OR6N1: variants seen among roughly 807,000 people sequenced by gnomAD.
OR6N1 encodes the protein olfactory receptor 6N1.
For missense variants in OR6N1, 394 were observed against 371.7 expected (o/e 1.06, Z -0.49); for synonymous variants, 170 against 150.7 (o/e 1.13, Z -0.94).
the OR6N1 span, among the ~76,000 whole-genome samples, chr1:158,781,537 T>C: frequency 2.0e-5 from 3 of 152,318 alleles, no homozygotes; most frequent in African/African-American, 7.2e-5. Flanking sequence ...GTTCTGAAAA[T>C]GTGACCCTAA....
intron 1 of OR6N1, among the ~76,000 whole-genome samples, chr1:158,768,208 A>T (rs1032164871): frequency 1.3e-5 from 2 of 152,024 alleles, no homozygotes; most frequent in Non-Finnish European, 2.9e-5. Flanking sequence ...ATCCAATACC[A>T]GAGCTTTAAA....
At chr1:158,797,304 C>T in the OR6N1 span, among the ~76,000 whole-genome samples, 3 of 152,294 alleles carry the variant, frequency 2.0e-5, no homozygotes, top group Middle Eastern at 3.4e-3. Flanking sequence ...CTTGAACTTA[C>T]CTTTTCCAAT....
chr1:158,818,902 C>G, the OR6N1 span, among the ~76,000 whole-genome samples: 10 of 152,158 alleles, frequency 6.6e-5, no homozygotes, highest in African/African-American at 2.4e-4. Flanking sequence ...AACATGAGAG[C>G]TAGACTTATC....
the OR6N1 span, among the ~76,000 whole-genome samples, chr1:158,805,012 T>C: frequency 1.3e-5 from 2 of 152,186 alleles, no homozygotes; most frequent in African/African-American, 2.4e-5. Flanking sequence ...ACACATAAGA[T>C]GAATTTTTGA....
chr1:158,806,787 C>G, the OR6N1 span, among the ~76,000 whole-genome samples: 2 of 151,650 alleles, frequency 1.3e-5, no homozygotes, highest in African/African-American at 4.8e-5. Context: ...GAATTTGTAC[C>G]AACACCTTTC....
chr1:158,782,592 G>A, the OR6N1 span, among the ~76,000 whole-genome samples: 3 of 152,260 alleles, frequency 2.0e-5, no homozygotes, highest in African/African-American at 7.2e-5. Context: ...GGCAATTTTA[G>A]GTGAGGAGGA....
chr1:158,828,289 G>C, the OR6N1 span, among the ~76,000 whole-genome samples: 1 of 152,096 alleles, frequency 6.6e-6, no homozygotes. Context: ...TCTCATCCAA[G>C]ACAAGGCAAG....
the OR6N1 span, among the ~76,000 whole-genome samples, chr1:158,815,060 G>A: frequency 5.3e-5 from 8 of 152,222 alleles, no homozygotes; most frequent in South Asian, 2.1e-4. Context: ...ATTAGAAGAA[G>A]GGACCCTAAA....
At chr1:158,770,861 C>A (rs1229851373) in intron 1 of OR6N1, among the ~76,000 whole-genome samples, 2 of 152,178 alleles carry the variant, frequency 1.3e-5, no homozygotes, top group Non-Finnish European at 2.9e-5. Context: ...ACCCATAAGA[C>A]AGTTCTCTCC....
chr1:158,819,339 A>G, the OR6N1 span, among the ~76,000 whole-genome samples: 23 of 152,168 alleles, frequency 1.5e-4, no homozygotes, highest in African/African-American at 5.6e-4. Context: ...ATCATTTCCT[A>G]CATTCACAGG....
the OR6N1 span, among the ~76,000 whole-genome samples, chr1:158,801,593 C>T: frequency 6.6e-6 from 1 of 152,150 alleles, no homozygotes; most frequent in African/African-American, 2.4e-5. Context: ...CTTGTTTTGC[C>T]ACTAACTCAA....
At chr1:158,836,513 A>G in the OR6N1 span, among the ~76,000 whole-genome samples, 3 of 152,004 alleles carry the variant, frequency 2.0e-5, no homozygotes, top group East Asian at 5.8e-4. Context: ...TATCCCACTT[A>G]TTGATGTATA....
chr1:158,771,557 C>T (rs923188292), intron 1 of OR6N1, among the ~76,000 whole-genome samples: 13 of 152,146 alleles, frequency 8.5e-5, no homozygotes, highest in African/African-American at 3.1e-4. Context: ...TAGTTTATTC[C>T]CCTAATTCTA....
chr1:158,822,251 T>C, the OR6N1 span, among the ~76,000 whole-genome samples: 1 of 152,184 alleles, frequency 6.6e-6, no homozygotes, highest in South Asian at 2.1e-4. Flanking sequence ...GTGTCATAGG[T>C]CATTTGATAG....
chr1:158,815,328 C>T, the OR6N1 span, among the ~76,000 whole-genome samples: 1 of 152,140 alleles, frequency 6.6e-6, no homozygotes, highest in Admixed American at 6.5e-5. Context: ...TTCCCAGGCT[C>T]ATTGCCCTAT....
the OR6N1 span, among the ~76,000 whole-genome samples, chr1:158,816,659 A>G: frequency 6.6e-6 from 1 of 152,226 alleles, no homozygotes; most frequent in East Asian, 1.9e-4. Context: ...CTTGCACTCC[A>G]GCCTGGGTGA....
chr1:158,773,561 C>T (rs116543637), upstream of OR6N1, among the ~76,000 whole-genome samples: 152 of 152,310 alleles, frequency 1.0e-3, 2 homozygotes, highest in African/African-American at 3.5e-3. Context: ...ACTCCTCTAA[C>T]AAAGATTCTC....
rs529378435 is a variant in OR6N1, at chr1:158,765,672, G to T, written c.*72C>A. On this transcript the variant is annotated 3_prime_UTR_variant, in exon 2 of 2. Transcript: ENST00000641846. Reference sequence around the variant, plus strand: ...AAAAGCACTGAATTTTTAGTTTCTCGTCTCTGGCCACTGTTGATCCCTGGG... The same window carrying T: ...AAAAGCACTGAATTTTTAGTTTCTCTTCTCTGGCCACTGTTGATCCCTGGG... The T allele has an allele frequency of 3.2e-6, 4 of 1,254,586 alleles. No homozygotes were observed. The highest frequency in any genetic ancestry group is 2.1e-5 in the Admixed American group (1 of 46,748). The allele number at this position is 1,254,586 out of a possible 1,614,324, so 77.7% of individuals were successfully genotyped here.
chr1:158,771,049 T>C (rs918295817), intron 1 of OR6N1, among the ~76,000 whole-genome samples: 2 of 152,206 alleles, frequency 1.3e-5, no homozygotes, highest in African/African-American at 2.4e-5. Context: ...TGGGTTTCTG[T>C]ATTTAGCCCA....
Sources: allele counts gnomAD v4.1 joint callset (sites outside exome capture counted in the v4.1 genomes callset), GRCh38; gene constraint gnomAD v4.1.1; transcripts MANE v1.5; gene names NCBI Gene and HGNC (gene_info 2026-07-23, HGNC 2026-07-21).